The following NRG1 variants were observed in gnomAD, a reference collection of about 807,000 sequenced individuals.
NRG1 encodes the protein neuregulin 1.
Under a neutral mutation model 63.8 loss-of-function variants are expected in NRG1, and 18 were observed. The ratio of observed to expected loss-of-function variants is 0.28; its 90% CI spans 0.19 to 0.42. The LOEUF (loss-of-function observed/expected upper bound fraction) is 0.42, where lower values mean the gene tolerates loss of function less well. Among genes scored for constraint, NRG1 ranks in the 10% least tolerant of loss-of-function variants. The pLI, the probability that NRG1 is intolerant of heterozygous loss-of-function variation, is 1.00. For missense variants in NRG1, 762 were observed against 814.7 expected, an observed-to-expected ratio of 0.94 and a Z score of 0.79; for synonymous variants, 302 against 301.3, an observed-to-expected ratio of 1.00 and a Z score of -0.02.
At chr8:32,257,141 A>G (rs550326035) in intron 1 of NRG1, among the ~76,000 whole-genome samples, 1 of 152,264 alleles carries the variant, frequency 6.6e-6, no homozygotes, top group South Asian at 2.1e-4. Context: ...CCCCTAACCA[A>G]GCTAGAGTGT....
At chr8:32,447,400 A>G (rs940364647) in intron 1 of NRG1, among the ~76,000 whole-genome samples, 1 of 152,158 alleles carries the variant, frequency 6.6e-6, no homozygotes, top group African/African-American at 2.4e-5. Flanking sequence ...AGTCCATCTG[A>G]AACACTTCTG....
intron 1 of NRG1, among the ~76,000 whole-genome samples, chr8:31,664,869 A>G (rs1421465316): frequency 6.6e-6 from 1 of 152,230 alleles, no homozygotes; most frequent in African/African-American, 2.4e-5. Context: ...GGAAAGCATG[A>G]TCAGTGACCA....
At position 31,959,779 on chromosome 8, in the gene NRG1, ATTATTTATTTAT is replaced by A. The variant is rs201657636; in HGVS notation, c.37+320354_37+320365del. On this transcript the variant is annotated intron_variant, in intron 1 of 10. Transcript: ENST00000519301. ...TCCCTGGAACCCCAAGCAACCACCG[ATTATTTATTTAT>A]TTATTATTTATTTATTTATTTATTT... 1.3e-3 allele frequency among the ~76,000 whole-genome samples: 174 copies of A among 135,046 alleles called. 1 individual carries two copies. Among genetic ancestry groups the A allele is most frequent in the African/African-American group, 4.6e-3 (161 of 34,752 alleles). The allele number at this position is 135,046 out of a possible 152,430, so 88.6% of individuals were successfully genotyped here. A position where few individuals can be genotyped will look rare whatever the true frequency, so the allele number is the denominator to read the frequency against.
chr8:31,658,985 C>T (rs1014923250), intron 1 of NRG1, among the ~76,000 whole-genome samples: 16 of 152,166 alleles, frequency 1.1e-4, no homozygotes, highest in Non-Finnish European at 1.9e-4. Flanking sequence ...TGTGGTTTGT[C>T]GGTCTGCAGT....
At chr8:32,304,077 G>A (rs944689364) in intron 1 of NRG1, among the ~76,000 whole-genome samples, 24 of 152,102 alleles carry the variant, frequency 1.6e-4, no homozygotes, top group Non-Finnish European at 7.4e-5. Context: ...GCCTTTCTTC[G>A]GTTGGATTTT....
At chr8:31,917,946 GTATTT>G (rs1833550292) in intron 1 of NRG1, among the ~76,000 whole-genome samples, 1 of 152,086 alleles carries the variant, frequency 6.6e-6, no homozygotes, top group South Asian at 2.1e-4. Context: ...GGATTCCTAG[GTATTT>G]TATTTTCTCT....
In NRG1 at chr8:32,542,506, G is replaced by A. The variant is rs1588182489; in HGVS notation, c.38-53322G>A. Among the ~76,000 whole-genome samples, 2 of 152,214 alleles carry A rather than the reference G, an allele frequency of 1.3e-5. 1 individual carries two copies. Among genetic ancestry groups the A allele is most frequent in the East Asian group, 3.9e-4 (2 of 5,194 alleles). ...AAACAGTGTACAAAGGTAAGGAAAA[G>A]CTTTTCCAAGCAACTGAATTTCCCT... On this transcript the variant is annotated intron_variant, in intron 1 of 10. Coordinates refer to the NRG1 transcript ENST00000519301.
chr8:32,283,426 C>A (rs1853123788), intron 1 of NRG1, among the ~76,000 whole-genome samples: 1 of 152,084 alleles, frequency 6.6e-6, no homozygotes, highest in African/African-American at 2.4e-5. Flanking sequence ...GTATCCAGTT[C>A]ATTAGGGTAA....
intron 1 of NRG1, among the ~76,000 whole-genome samples, chr8:32,190,144 G>A (rs1842347922): frequency 6.6e-6 from 1 of 151,602 alleles, no homozygotes; most frequent in South Asian, 2.1e-4. Flanking sequence ...GAAAGCATTA[G>A]GAGTCTGCCT....
Position 32,045,110 on chromosome 8 carries a change from G to T in NRG1, c.37+405679G>T, listed in dbSNP as rs557458620. On this transcript the variant is annotated intron_variant, in intron 1 of 10. Transcript: ENST00000519301. The stretch of plus-strand genomic sequence containing the variant: ...AACAAAGATAAAACACACAATATCA[G>T]AAATGGAAGAATCACCACTACTGAC... Among the ~76,000 whole-genome samples the T allele has an allele frequency of 5.9e-5, 9 of 151,780 alleles. 1 individual carries two copies. In the South Asian group the frequency reaches 1.7e-3, roughly 28 times the overall value.
intron 1 of NRG1, among the ~76,000 whole-genome samples, chr8:32,372,175 G>A (rs1587156965): frequency 6.6e-6 from 1 of 151,820 alleles, no homozygotes; most frequent in Admixed American, 6.6e-5. Context: ...TTTTTGTAGA[G>A]ATGGGGTCTT....
chr8:31,912,148 G>A (rs1230146551), intron 1 of NRG1, among the ~76,000 whole-genome samples: 2 of 152,162 alleles, frequency 1.3e-5, no homozygotes, highest in African/African-American at 4.8e-5. Context: ...TAGCATATTG[G>A]GAGTAAGCAC....
intron 3 of NRG1, among the ~76,000 whole-genome samples, chr8:32,609,662 CTTTTT>C (rs752378599): frequency 1.0e-5 from 1 of 99,504 alleles, no homozygotes; most frequent in African/African-American, 3.9e-5. Flanking sequence ...TCTCTCTTTC[CTTTTT>C]TTTTTTTTTT....
chr8:31,742,283 A>C (rs1429811689), intron 1 of NRG1, among the ~76,000 whole-genome samples: 1 of 151,884 alleles, frequency 6.6e-6, no homozygotes, highest in Admixed American at 6.6e-5. Flanking sequence ...AGGTCATGCT[A>C]TCTACAAATG....
chr8:32,648,042 C>A, intron 5 of NRG1: 1 of 1,614,108 alleles, frequency 6.2e-7, no homozygotes, highest in South Asian at 1.1e-5. Context: ...ATATGACTCT[C>A]CTACTCACCT....
chr8:32,002,239 G>T (rs1586395001), intron 1 of NRG1, among the ~76,000 whole-genome samples: 1 of 151,892 alleles, frequency 6.6e-6, no homozygotes, highest in Admixed American at 6.6e-5. Flanking sequence ...GGCAAGGCTG[G>T]TCTCTAACTC....
chr8:32,600,784 C>T (rs1209436413), intron 2 of NRG1, among the ~76,000 whole-genome samples: 1 of 151,992 alleles, frequency 6.6e-6, no homozygotes, highest in Non-Finnish European at 1.5e-5. Context: ...ACACTTTACA[C>T]GAATTAACTC....
intron 1 of NRG1, among the ~76,000 whole-genome samples, chr8:32,005,372 A>C (rs1813605002): frequency 6.6e-6 from 1 of 151,996 alleles, no homozygotes; most frequent in African/African-American, 2.4e-5. Context: ...TATTTTGTGA[A>C]TGTGTCTTGT....
chr8:32,548,290 G>C (rs1833345097), exon 1 of NRG1: 1 of 988,224 alleles, frequency 1.0e-6, no homozygotes, highest in African/African-American at 1.7e-5. Flanking sequence ...AATTGAAAAA[G>C]AGCCGGCGAG....
Sources: allele counts gnomAD v4.1 joint callset (sites outside exome capture counted in the v4.1 genomes callset), GRCh38; gene constraint gnomAD v4.1.1; transcripts MANE v1.5; gene names NCBI Gene and HGNC (gene_info 2026-07-23, HGNC 2026-07-21).